The following USP36 variants were observed in gnomAD, a reference collection of about 807,000 sequenced individuals.
The protein encoded by USP36 is ubiquitin carboxyl-terminal hydrolase 36.
In USP36, 59 loss-of-function variants were observed where a neutral mutation model predicts 111.5. The observed-to-expected ratio is 0.53, with a 90% confidence interval of 0.43 to 0.66. USP36 has a LOEUF of 0.66. Among genes scored for constraint, USP36 ranks in the 30% least tolerant of loss-of-function variants. The pLI is 0.00. For synonymous variants in USP36, 628 were observed against 581.0 expected (o/e 1.08, Z -1.16); for missense variants, 1,488 against 1,468.0 (o/e 1.01, Z -0.22).
intron 6 of USP36, among the ~76,000 whole-genome samples, chr17:78,824,302 GAGGAAAAGAGCT>G (rs1567957311): frequency 6.6e-6 from 1 of 152,206 alleles, no homozygotes; most frequent in Non-Finnish European, 1.5e-5. Context: ...AGAGAGAGGA[GAGGAAAAGAGCT>G]AGGAAGTAAA....
At chr17:78,794,397 C>G (rs1167334665), downstream of USP36, among the ~76,000 whole-genome samples, 1 of 152,196 alleles carries the variant, frequency 6.6e-6, no homozygotes, top group Non-Finnish European at 1.5e-5. Context: ...TCCTGCTGGC[C>G]AGCTCCCACT....
At position 78,802,717 on chromosome 17, in the gene USP36, C is replaced by T. The variant is rs111370500; in HGVS notation, c.2811-182G>A. ...GACGCTCCACACGCAGCCACGGAGA[C>T]AGTAGAGGGAAAACCAGTCGCGTTT... is the stretch of plus-strand genomic sequence containing the variant. On this transcript the variant is annotated intron_variant, in intron 16 of 20. Transcript: ENST00000449938. 3.6e-3 allele frequency among the ~76,000 whole-genome samples: 553 copies of T among 152,314 alleles called. 2 individuals are homozygous for T. Among genetic ancestry groups the T allele is most frequent in the African/African-American group, 0.013 (531 of 41,574 alleles).
intron 13 of USP36, among the ~76,000 whole-genome samples, chr17:78,809,893 C>G (rs927714991): frequency 4.6e-5 from 7 of 151,848 alleles, no homozygotes; most frequent in Non-Finnish European, 1.0e-4. Flanking sequence ...GTCACCCAGG[C>G]TGGAGTGCAG....
chr17:78,811,639 G>A lies in USP36; in HGVS notation c.1407+1221C>T, dbSNP rs111519790. On this transcript the variant is annotated intron_variant, in intron 13 of 20. Coordinates refer to ENST00000449938, the MANE Select transcript of USP36 (RefSeq NM_001385174.1). ...AATCCCAGCACTTTGGGAGGCTGAG[G>A]CGGGTGGATCAGGAGGTCAGCAGAT... Among the ~76,000 whole-genome samples the A allele has an allele frequency of 3.0e-3, 455 of 152,294 alleles. 1 individual carries two copies. Among genetic ancestry groups the A allele is most frequent in the Non-Finnish European group, 5.6e-3 (378 of 68,026 alleles).
intron 10 of USP36, 88 bp from the exon 11 acceptor site, chr17:78,814,640 G>A (rs2094138610): frequency 6.7e-7 from 1 of 1,491,772 alleles, no homozygotes; most frequent in Admixed American, 1.9e-5. Flanking sequence ...CACACAAAAT[G>A]CCCAGCTTGT....
chr17:78,792,958 C>T (rs559312189), downstream of USP36, among the ~76,000 whole-genome samples: 28 of 152,180 alleles, frequency 1.8e-4, no homozygotes, highest in South Asian at 3.9e-3. Context: ...TCAAGTGATC[C>T]GCCCGCCTCA....
At chr17:78,799,877 CTTTTTTTTTT>C (rs549964435) in intron 17 of USP36, 109 bp from the exon 18 acceptor site, 7,379 of 155,648 alleles carry the variant, frequency 0.047, 661 homozygotes, top group African/African-American at 0.26. Context: ...GGATGCTTGC[CTTTTTTTTTT>C]TTTTTTTTTT....
intron 15 of USP36, among the ~76,000 whole-genome samples, chr17:78,805,473 C>T (rs773140919): frequency 6.6e-6 from 1 of 152,108 alleles, no homozygotes; most frequent in Non-Finnish European, 1.5e-5. Context: ...TAGAACCCAG[C>T]GCCGAGGCCA....
intron 6 of USP36, chr17:78,823,202 A>G (rs2094372293): frequency 2.5e-6 from 1 of 398,604 alleles, no homozygotes; most frequent in Non-Finnish European, 4.4e-6. Context: ...TTAGAAAATG[A>G]AAAATCAACT....
chr17:78,789,197 CAAA>C (rs869247026), intron 3 of USP36, among the ~76,000 whole-genome samples: 4 of 65,904 alleles, frequency 6.1e-5, no homozygotes, highest in African/African-American at 1.7e-4. Flanking sequence ...AACTTGGTCC[CAAA>C]AAAAAAAAAA....
rs775014668 is a variant in USP36 at position 78,806,194 on chromosome 17, G to C, written c.2178C>G (p.His726Gln). 2.5e-6 allele frequency: 4 copies of C among 1,613,466 alleles called. No individual in the cohort carries two copies. The highest frequency in any genetic ancestry group is 2.7e-5 in the African/African-American group (2 of 74,898). The part of the protein sequence containing the change: ...SDLTHPMKTS[H>Q]PVVASTWPVH... ...CGGGCCAAGTGGAGGCAACGACGGG[G>C]TGAGAGGTTTTCATGGGGTGGGTGA... The change falls in exon 15 of 21, where the codon CAC (histidine) becomes CAG (glutamine). Residue 726 changes from histidine to glutamine, a missense_variant. Around this residue, in one of 3 missense-constraint regions of USP36, gnomAD observed 1,073 missense variants for 994.1 expected, o/e 1.08. Coordinates refer to ENST00000449938, the MANE Select transcript of USP36 (RefSeq NM_001385174.1).
Position 78,796,227 on chromosome 17 carries a change from T to A in USP36, c.*1673A>T, listed in dbSNP as rs1308401937. On this transcript the variant is annotated 3_prime_UTR_variant, in exon 21 of 21. Coordinates refer to ENST00000449938, the MANE Select transcript of USP36 (RefSeq NM_001385174.1). ...CTGTGCCAGCAGACAACTAACATTT[T>A]CAACTACAGAACATCACACGGTAAA... is the stretch of plus-strand genomic sequence containing the variant. 6.6e-6 allele frequency: 1 copy of A among 152,124 alleles called. No homozygotes were observed. Among genetic ancestry groups the A allele is most frequent in the Non-Finnish European group, 1.5e-5 (1 of 68,050 alleles). 9.4% of individuals were successfully genotyped at this position (152,124 alleles called of 1,614,324 possible).
At chr17:78,829,430 G>C (rs145257561) in intron 4 of USP36, among the ~76,000 whole-genome samples, 336 of 152,316 alleles carry the variant, frequency 2.2e-3, no homozygotes, top group African/African-American at 6.1e-3. Context: ...TTTTAGGGCT[G>C]ACAGCCCCTT....
chr17:78,791,130 T>C (rs1164185328), downstream of USP36, among the ~76,000 whole-genome samples: 2 of 72,666 alleles, frequency 2.8e-5, no homozygotes, highest in East Asian at 7.8e-4. Context: ...TCTGGCCTTC[T>C]TTTTTTTTTT....
intron 13 of USP36, 151 bp from the exon 14 acceptor site, chr17:78,807,787 C>T: frequency 2.4e-6 from 2 of 839,260 alleles, no homozygotes; most frequent in South Asian, 2.3e-5. Context: ...TTGGTAAAGA[C>T]ACTGTGGCTT....
At chr17:78,811,386 T>C (rs16971728) in intron 13 of USP36, among the ~76,000 whole-genome samples, 1 of 152,174 alleles carries the variant, frequency 6.6e-6, no homozygotes, top group Non-Finnish European at 1.5e-5. Flanking sequence ...TGTATGACTA[T>C]GTACGTATGC....
rs201317729 is a variant in USP36 at position 78,806,261 on chromosome 17, C to A, written c.2111G>T (p.Gly704Val). 60 of 1,613,758 alleles carry A rather than the reference C, an allele frequency of 3.7e-5. No homozygotes were observed. Among genetic ancestry groups the A allele is most frequent in the Non-Finnish European group, 4.7e-5 (55 of 1,179,992 alleles). ...KKASTLWRAT[G>V]NDLRPPPPSP... ...GGGGGGAGGTGGACGGAGGTCATTGCCGGTCGCCCTCCACAGGGTGCTGGC... is the reference window on the plus strand; with the variant it reads ...GGGGGGAGGTGGACGGAGGTCATTGACGGTCGCCCTCCACAGGGTGCTGGC... The change falls in exon 15 of 21, where the codon GGC becomes GTC. Residue 704 changes from glycine to valine, a missense_variant. Gly to Val is a moderately radical substitution (Grantham distance 109). Transcript: ENST00000449938.
intron 4 of USP36, among the ~76,000 whole-genome samples, chr17:78,831,499 G>C (rs537354125): frequency 2.0e-3 from 308 of 151,968 alleles, no homozygotes; most frequent in Non-Finnish European, 3.3e-3. Flanking sequence ...TGTAATCCCA[G>C]CTACTTGGGA....
chr17:78,792,467 C>T (rs1164123077), downstream of USP36, among the ~76,000 whole-genome samples: 1 of 152,164 alleles, frequency 6.6e-6, no homozygotes, highest in Non-Finnish European at 1.5e-5. Flanking sequence ...CCCACACCAA[C>T]CACCCAGCCC....
Sources: allele counts gnomAD v4.1 joint callset (sites outside exome capture counted in the v4.1 genomes callset), GRCh38; gene constraint gnomAD v4.1.1; regional missense constraint gnomAD v4.1.1; transcripts MANE v1.5; gene names NCBI Gene and HGNC (gene_info 2026-07-23, HGNC 2026-07-21).